The following TRIO variants were observed in gnomAD, a reference collection of about 807,000 sequenced individuals.
TRIO encodes triple functional domain protein.
TRIO carries 58 observed loss-of-function variants against 351.9 expected under a neutral mutation model. That is an observed-to-expected ratio of 0.16 (90% CI 0.13 to 0.21). TRIO has a LOEUF of 0.21. Ranked by LOEUF, TRIO falls within the 10% of genes least tolerant of loss-of-function variation. The pLI, the probability that TRIO is intolerant of heterozygous loss-of-function variation, is 1.00. For missense variants in TRIO, 3,201 were observed against 4,027.8 expected, an observed-to-expected ratio of 0.79 and a Z score of 5.56; for synonymous variants, 1,758 against 1,595.7, an observed-to-expected ratio of 1.10 and a Z score of -2.42.
rs1377594733 is a variant in TRIO, at chr5:14,288,434, C to T, written c.540+1371C>T. On this transcript the variant is annotated intron_variant, in intron 4 of 56. Coordinates refer to ENST00000344204, the MANE Select transcript of TRIO (RefSeq NM_007118.4). The stretch of plus-strand genomic sequence containing the variant: ...CTGTAATCCTAGCACTTTGGGAGGC[C>T]GAGGCGGGCGGACCACGAGGTCAGG... 3.3e-5 allele frequency among the ~76,000 whole-genome samples: 5 copies of T among 152,018 alleles called. No individual in the cohort carries two copies. In the East Asian group the frequency reaches 5.8e-4, roughly 18 times the overall value.
At chr5:14,438,610 T>C (rs189427234) in intron 34 of TRIO, among the ~76,000 whole-genome samples, 4 of 152,348 alleles carry the variant, frequency 2.6e-5, no homozygotes, top group African/African-American at 4.8e-5. Context: ...CGTCTTCTCC[T>C]GAACCGAGTC....
chr5:14,190,691 G>T (rs960073945), intron 1 of TRIO, among the ~76,000 whole-genome samples: 1 of 152,096 alleles, frequency 6.6e-6, no homozygotes, highest in Non-Finnish European at 1.5e-5. Flanking sequence ...TATGACTGGG[G>T]CAGTGACTTG....
intron 33 of TRIO, chr5:14,418,730 G>A (rs1223208764): frequency 1.3e-5 from 2 of 153,046 alleles, no homozygotes; most frequent in Admixed American, 6.5e-5. Flanking sequence ...TCCCTGCAGG[G>A]GGACAGTGGA....
intron 1 of TRIO, among the ~76,000 whole-genome samples, chr5:14,268,401 T>C (rs1795808338): frequency 6.6e-6 from 1 of 152,180 alleles, no homozygotes; most frequent in South Asian, 2.1e-4. Flanking sequence ...CAGCTCTCTA[T>C]TGGGATATCA....
At chr5:14,309,187 G>A (rs1346315536) in intron 8 of TRIO, among the ~76,000 whole-genome samples, 9 of 150,336 alleles carry the variant, frequency 6.0e-5, no homozygotes, top group African/African-American at 1.7e-4. Flanking sequence ...TGTGCATTTC[G>A]AATCCAATAC....
At chr5:14,248,593 G>A (rs1794570444) in intron 1 of TRIO, among the ~76,000 whole-genome samples, 1 of 152,210 alleles carries the variant, frequency 6.6e-6, no homozygotes, top group Non-Finnish European at 1.5e-5. Flanking sequence ...CTGGGAGTCA[G>A]TTTCCTGAGG....
chr5:14,366,735 G>A (rs1561398304), intron 15 of TRIO, 125 bp from the exon 16 acceptor site: 1 of 1,379,462 alleles, frequency 7.2e-7, no homozygotes, highest in Non-Finnish European at 9.8e-7. Context: ...GGATGATGAA[G>A]GCATCAGTGC....
intron 1 of TRIO, among the ~76,000 whole-genome samples, chr5:14,159,126 C>T (rs1296679719): frequency 6.6e-6 from 1 of 152,096 alleles, no homozygotes; most frequent in African/African-American, 2.4e-5. Context: ...ACGTGCGTCT[C>T]TTATGGAGGA....
At chr5:14,464,064 C>T (rs995003619) in intron 36 of TRIO, among the ~76,000 whole-genome samples, 1 of 152,086 alleles carries the variant, frequency 6.6e-6, no homozygotes, top group African/African-American at 2.4e-5. Context: ...GAGGTTCAGG[C>T]TCCCCACCAT....
intron 1 of TRIO, among the ~76,000 whole-genome samples, chr5:14,159,637 CG>C (rs1006164176): frequency 2.6e-5 from 4 of 151,142 alleles, no homozygotes; most frequent in Non-Finnish European, 4.4e-5. Flanking sequence ...GGCACGACCT[CG>C]GCTCACTGCA....
chr5:14,476,118 A>G (rs774841607), intron 40 of TRIO, among the ~76,000 whole-genome samples: 31 of 152,360 alleles, frequency 2.0e-4, no homozygotes, highest in Non-Finnish European at 3.5e-4. Flanking sequence ...CACAGGTAAC[A>G]TATTTAGTTT....
intron 1 of TRIO, among the ~76,000 whole-genome samples, chr5:14,168,724 T>C (rs931632078): frequency 6.6e-6 from 1 of 152,272 alleles, no homozygotes; most frequent in African/African-American, 2.4e-5. Flanking sequence ...TTGTGAGTTA[T>C]ACTATCATTT....
At chr5:14,256,662 G>A (rs1795037941) in intron 1 of TRIO, among the ~76,000 whole-genome samples, 1 of 152,178 alleles carries the variant, frequency 6.6e-6, no homozygotes, top group East Asian at 1.9e-4. Context: ...TGATTAAAAA[G>A]CCTTTTTGTT....
At chr5:14,154,441 G>A (rs543758216) in intron 1 of TRIO, among the ~76,000 whole-genome samples, 4 of 152,186 alleles carry the variant, frequency 2.6e-5, no homozygotes, top group Admixed American at 6.5e-5. Flanking sequence ...TAGCTGTTTC[G>A]TTGTAGCCAC....
intron 1 of TRIO, among the ~76,000 whole-genome samples, chr5:14,147,643 G>A (rs1787595517): frequency 6.6e-6 from 1 of 152,182 alleles, no homozygotes. Context: ...TGTCTTTCCA[G>A]GGAACAGGTG....
chr5:14,398,569 A>C (rs1747807347), intron 29 of TRIO, among the ~76,000 whole-genome samples: 1 of 152,198 alleles, frequency 6.6e-6, no homozygotes, highest in South Asian at 2.1e-4. Context: ...AGGGCTGAAG[A>C]GAAGTAGAGG....
chr5:14,361,002 T>A (rs1367482433), intron 13 of TRIO, among the ~76,000 whole-genome samples: 1 of 152,186 alleles, frequency 6.6e-6, no homozygotes, highest in Non-Finnish European at 1.5e-5. Context: ...TGCCATGTCC[T>A]CCCCAAGGTA....
intron 9 of TRIO, among the ~76,000 whole-genome samples, chr5:14,319,519 G>A (rs1457831228): frequency 6.6e-6 from 1 of 152,210 alleles, no homozygotes; most frequent in Non-Finnish European, 1.5e-5. Flanking sequence ...ACTTTAGAAG[G>A]ACGTTACCAG....
chr5:14,201,259 T>A (rs1319660099), intron 1 of TRIO, among the ~76,000 whole-genome samples: 1 of 152,092 alleles, frequency 6.6e-6, no homozygotes, highest in Admixed American at 6.6e-5. Context: ...AAACTCCATC[T>A]CAAAAAATAA....
Sources: gnomAD v4.1 joint callset for allele counts (sites outside exome capture counted in the v4.1 genomes callset) on GRCh38, gnomAD v4.1.1 for gene constraint, MANE v1.5 for transcripts, NCBI Gene and HGNC (gene_info 2026-07-23, HGNC 2026-07-21) for gene names.